The following PRKG2 variants were observed in gnomAD, a reference collection of about 807,000 sequenced individuals.
The protein encoded by PRKG2 is cGMP-dependent protein kinase 2.
PRKG2 carries 33 observed loss-of-function variants against 97.2 expected under a neutral mutation model. That is an observed-to-expected ratio of 0.34 (90% CI 0.26 to 0.45). The LOEUF is 0.45. Ranked by LOEUF, PRKG2 falls within the 20% of genes least tolerant of loss-of-function variation. The probability of loss-of-function intolerance (pLI) is 1.00; values close to 1 mark genes in which losing one functional copy is unlikely to be tolerated. For synonymous variants in PRKG2, 330 were observed against 321.8 expected, an observed-to-expected ratio of 1.03 and a Z score of -0.27; for missense variants, 638 against 900.0, an observed-to-expected ratio of 0.71 and a Z score of 3.73.
chr4:81,099,409 T>C (rs547190599), intron 17 of PRKG2, among the ~76,000 whole-genome samples: 2 of 152,192 alleles, frequency 1.3e-5, no homozygotes, highest in African/African-American at 4.8e-5. Flanking sequence ...TGGTTCAATA[T>C]ACGCAAATCA....
chr4:81,186,874 G>A (rs554148399), intron 2 of PRKG2, among the ~76,000 whole-genome samples: 57 of 152,136 alleles, frequency 3.7e-4, no homozygotes, highest in Non-Finnish European at 6.6e-4. Context: ...AGAAAATCTA[G>A]AAGAAATGGA....
intron 2 of PRKG2, chr4:81,193,025 G>GTT (rs977590799): frequency 6.5e-6 from 1 of 153,154 alleles, no homozygotes; most frequent in Non-Finnish European, 1.5e-5. Flanking sequence ...TGTTCTCACT[G>GTT]TTGTTTTTTG....
intron 13 of PRKG2, 55 bp from the exon 14 acceptor site, chr4:81,135,351 T>C: frequency 6.5e-7 from 1 of 1,535,950 alleles, no homozygotes; most frequent in East Asian, 2.3e-5. Flanking sequence ...TTTGGTGCTG[T>C]TCTACGTGTC....
At chr4:81,176,646 C>G (rs192084925) in intron 2 of PRKG2, among the ~76,000 whole-genome samples, 75 of 152,228 alleles carry the variant, frequency 4.9e-4, no homozygotes, top group African/African-American at 1.8e-3. Flanking sequence ...AACACTGTTT[C>G]TTTATAAGCA....
chr4:81,189,066 TAAAAAAA>T, intron 2 of PRKG2, among the ~76,000 whole-genome samples: 2 of 17,056 alleles, frequency 1.2e-4, no homozygotes, highest in Admixed American at 1.2e-3. Context: ...AAAAAAATAA[TAAAAAAA>T]AAAAAAAAAA....
intron 14 of PRKG2, among the ~76,000 whole-genome samples, chr4:81,121,703 T>C (rs756320135): frequency 5.3e-5 from 8 of 152,150 alleles, no homozygotes; most frequent in Non-Finnish European, 1.0e-4. Flanking sequence ...CTGATATTAG[T>C]AATTTATATC....
At chr4:81,216,891 T>TTGTGTGTG (rs68179456), upstream of PRKG2, among the ~76,000 whole-genome samples, 38 of 131,510 alleles carry the variant, frequency 2.9e-4, no homozygotes, top group African/African-American at 6.3e-4. Flanking sequence ...TAGTATTCCA[T>TTGTGTGTG]TGTGTGTGTG....
chr4:81,118,787 GGTTTGTTTGTTT>G, intron 14 of PRKG2, among the ~76,000 whole-genome samples: 1 of 151,846 alleles, frequency 6.6e-6, no homozygotes, highest in Non-Finnish European at 1.5e-5. Flanking sequence ...GTTTTCGTTT[GGTTTGTTTGTTT>G]GTTTGTTTGT....
chr4:81,160,621 G>A (rs1040936017), intron 6 of PRKG2, among the ~76,000 whole-genome samples: 8 of 152,028 alleles, frequency 5.3e-5, no homozygotes, highest in Non-Finnish European at 1.2e-4. Context: ...ATTCACAGTA[G>A]GTAGTGCTGT....
intron 2 of PRKG2, among the ~76,000 whole-genome samples, chr4:81,201,697 A>C (rs1753325291): frequency 6.6e-6 from 1 of 152,154 alleles, no homozygotes; most frequent in Admixed American, 6.6e-5. Context: ...TGAATATTCA[A>C]ATTCAGAATC....
chr4:81,211,910 T>C (rs577868270), intron 1 of PRKG2, among the ~76,000 whole-genome samples: 1 of 152,314 alleles, frequency 6.6e-6, no homozygotes, highest in East Asian at 1.9e-4. Flanking sequence ...GAGTGAATTA[T>C]ACAGACTTCT....
chr4:81,132,201 T>G (rs1265958869), intron 14 of PRKG2, among the ~76,000 whole-genome samples: 5 of 152,156 alleles, frequency 3.3e-5, no homozygotes, highest in Non-Finnish European at 5.9e-5. Flanking sequence ...ACTTATAAAT[T>G]TTTATTGCTA....
At chr4:81,187,352 T>C (rs1751974475) in intron 2 of PRKG2, among the ~76,000 whole-genome samples, 1 of 152,156 alleles carries the variant, frequency 6.6e-6, no homozygotes, top group Non-Finnish European at 1.5e-5. Context: ...ATCCATCACA[T>C]AAACAGAACC....
At chr4:81,197,709 A>G (rs1037674576) in intron 2 of PRKG2, among the ~76,000 whole-genome samples, 2 of 152,082 alleles carry the variant, frequency 1.3e-5, no homozygotes, top group Admixed American at 6.6e-5. Flanking sequence ...AATTGGTAGT[A>G]TTGGCCATTG....
In PRKG2 at chr4:81,144,126, AGGCAC is replaced by A; in HGVS notation, c.1253+101_1253+105del. ...AGAACTCTCCAGAATTTTCTAGTGA[AGGCAC>A]ATTAAAAGTTACCACACAGCAAGTC... On this transcript the variant is annotated intron_variant, in intron 10 of 18. Coordinates refer to ENST00000264399, the MANE Select transcript of PRKG2 (RefSeq NM_006259.3). 14 of 926,308 alleles carry A rather than the reference AGGCAC, an allele frequency of 1.5e-5. No homozygotes were observed. In the Admixed American group the frequency reaches 3.0e-4, roughly 20 times the overall value. 57.4% of individuals were successfully genotyped at this position (926,308 alleles called of 1,614,324 possible).
chr4:81,180,248 T>C (rs538929217), intron 2 of PRKG2, among the ~76,000 whole-genome samples: 14 of 152,074 alleles, frequency 9.2e-5, no homozygotes, highest in South Asian at 4.2e-4. Flanking sequence ...AAAAGAGAAA[T>C]TGAATAATAT....
At chr4:81,185,984 A>G (rs2110103746) in intron 2 of PRKG2, among the ~76,000 whole-genome samples, 1 of 152,300 alleles carries the variant, frequency 6.6e-6, no homozygotes, top group Non-Finnish European at 1.5e-5. Context: ...AAGTTATTAG[A>G]AACCTACAAA....
At position 81,110,631 on chromosome 4, in the gene PRKG2, A is replaced by C. The variant is rs200636942; in HGVS notation, c.1777-20T>G. ...GTCAACCTGGTAAAGAATAGCAAAG[A>C]AATTGTGCAGAAACCATAAAACTCA... On this transcript the variant is annotated intron_variant, in intron 14 of 18. Transcript: ENST00000264399. 2 of 1,612,908 alleles carry C rather than the reference A, an allele frequency of 1.2e-6. No homozygotes were observed. Among genetic ancestry groups the C allele is most frequent in the African/African-American group, 2.7e-5 (2 of 74,812 alleles).
intron 6 of PRKG2, among the ~76,000 whole-genome samples, chr4:81,159,946 C>G (rs924977366): frequency 6.6e-5 from 8 of 120,302 alleles, no homozygotes; most frequent in Non-Finnish European, 1.3e-4. Context: ...ACATCACACT[C>G]TGGGGACCAT....
Sources: allele counts gnomAD v4.1 joint callset (sites outside exome capture counted in the v4.1 genomes callset), GRCh38; gene constraint gnomAD v4.1.1; transcripts MANE v1.5; gene names NCBI Gene and HGNC (gene_info 2026-07-23, HGNC 2026-07-21).